The following TPT1 variants were observed in gnomAD, a reference collection of about 807,000 sequenced individuals.
TPT1 encodes tumor protein, translationally-controlled 1.
TPT1 carries 5 observed loss-of-function variants against 22.8 expected under a neutral mutation model. The ratio of observed to expected loss-of-function variants is 0.22; its 90% CI spans 0.11 to 0.46. The LOEUF (loss-of-function observed/expected upper bound fraction) is 0.46, where lower values mean the gene tolerates loss of function less well. TPT1 is among the 20% of genes least tolerant of loss of function. The pLI is 0.99. For synonymous variants in TPT1, 89 were observed against 73.6 expected, an observed-to-expected ratio of 1.21 and a Z score of -1.07; for missense variants, 130 against 218.7, an observed-to-expected ratio of 0.59 and a Z score of 2.56.
chr13:45,339,528 T>C lies in TPT1; in HGVS notation c.368A>G (p.Lys123Arg), dbSNP rs762304747. Residue 123 changes from lysine to arginine, a missense_variant, in exon 4 of 6, where the codon AAG (lysine) becomes AGG (arginine). Transcript: ENST00000530705. ...PFMTGAAEQI[K>R]HILANFKNYQ... Reference sequence around the variant, plus strand: ...GTTTTTGAAATTAGCAAGGATGTGCTTGATTTGTTCTGCAGCCCCTGTCAT... The same window carrying C: ...GTTTTTGAAATTAGCAAGGATGTGCCTGATTTGTTCTGCAGCCCCTGTCAT... 1.2e-6 allele frequency: 2 copies of C among 1,613,798 alleles called. No individual in the cohort carries two copies. Among genetic ancestry groups the C allele is most frequent in the African/African-American group, 2.7e-5 (2 of 74,934 alleles).
At chr13:45,339,680 C>G in intron 3 of TPT1, 78 bp from the exon 4 acceptor site, 1 of 1,376,246 alleles carries the variant, frequency 7.3e-7, no homozygotes, top group Non-Finnish European at 1.0e-6. Flanking sequence ...AATATCCAAG[C>G]TTAAAAAAAG....
intron 4 of TPT1, 64 bp from the exon 5 acceptor site, chr13:45,338,840 A>T (rs1043162695): frequency 3.7e-6 from 5 of 1,355,636 alleles, no homozygotes; most frequent in Non-Finnish European, 5.0e-6. Flanking sequence ...CATTCAAAAC[A>T]AACTACAGTA....
intron 4 of TPT1, chr13:45,339,040 C>G (rs1878903671): frequency 8.1e-6 from 3 of 370,922 alleles, no homozygotes; most frequent in Non-Finnish European, 1.4e-5. Flanking sequence ...TAAATACAAT[C>G]CCAAACCCTA....
chr13:45,339,541 C>A lies in TPT1; in HGVS notation c.355G>T (p.Ala119Ser), dbSNP rs779614359. 1.7e-5 allele frequency: 28 copies of A among 1,613,816 alleles called. No homozygotes were observed. Among genetic ancestry groups the A allele is most frequent in the Non-Finnish European group, 5.1e-6 (6 of 1,179,980 alleles). ...ERVKPFMTGA[A>S]EQIKHILANF... is the part of the protein sequence containing the mutation. ...GCAAGGATGTGCTTGATTTGTTCTG[C>A]AGCCCCTGTCATAAAAGGTTTTACT... The change falls in exon 4 of 6, where the codon GCA becomes TCA. Residue 119 changes from alanine to serine, a missense_variant. Transcript: ENST00000530705.
chr13:45,340,794 T>C lies in TPT1; in HGVS notation c.29-9A>G, dbSNP rs1291883087. On this transcript the variant is annotated splice_polypyrimidine_tract_variant and intron_variant, in intron 1 of 5. Transcript: ENST00000530705. ...GGAGAACATCTCATCGTCTGCCGGA[T>C]ACACAGAGCCGCCCATCACCGTGCG... is the stretch of plus-strand genomic sequence containing the variant. 6.6e-7 allele frequency: 1 copy of C among 1,512,828 alleles called. No homozygotes were observed. 93.7% of individuals were successfully genotyped at this position (1,512,828 alleles called of 1,614,324 possible).
At chr13:45,338,308 T>C (rs1031792581) in intron 5 of TPT1, 10 of 272,678 alleles carry the variant, frequency 3.7e-5, no homozygotes, top group South Asian at 8.0e-5. Context: ...TTAGCAGAGA[T>C]AGGGTTTCGC....
intron 5 of TPT1, 171 bp downstream of exon 5, chr13:45,338,489 C>A (rs189610296): frequency 5.4e-5 from 71 of 1,304,756 alleles, no homozygotes; most frequent in Non-Finnish European, 7.2e-6. Flanking sequence ...CCTTTTTATA[C>A]CCTAAGAATT....
At position 45,336,211 on chromosome 13, in the gene TPT1, T is replaced by C. The variant is rs556327303; in HGVS notation, c.*1175A>G. The C allele has an allele frequency of 2.0e-5, 3 of 152,300 alleles. No individual in the cohort carries two copies. The South Asian group carries it at 6.2e-4, about 32-fold the overall frequency. 9.4% of individuals were successfully genotyped at this position (152,300 alleles called of 1,614,324 possible). On this transcript the variant is annotated 3_prime_UTR_variant, in exon 6 of 6. Transcript: ENST00000530705. Reference sequence around the variant, plus strand: ...AACTAGTGAGACTGAGGTGGGAAAATGGCTTGAGCACAGGATGCAGAGAAT... The same window carrying C: ...AACTAGTGAGACTGAGGTGGGAAAACGGCTTGAGCACAGGATGCAGAGAAT...
At chr13:45,339,667 A>G in intron 3 of TPT1, 65 bp from the exon 4 acceptor site, 1 of 1,435,680 alleles carries the variant, frequency 7.0e-7, no homozygotes, top group Non-Finnish European at 9.6e-7. Flanking sequence ...TTTTAAAGTA[A>G]AAAATATCCA....
intron 4 of TPT1, 125 bp downstream of exon 4, chr13:45,339,372 G>T: frequency 1.4e-6 from 1 of 704,360 alleles, no homozygotes; most frequent in South Asian, 2.8e-5. Context: ...GGAAACACCT[G>T]CGAGCTGGGA....
rs571383137 is a variant in TPT1 at position 45,338,954 on chromosome 13, A to G, written c.400-178T>C. ...GTTCACTGGATTAAGGCACCTTAATAGTGACCTAAATAGAAAAATAACGTA... is the reference window on the plus strand; with the variant it reads ...GTTCACTGGATTAAGGCACCTTAATGGTGACCTAAATAGAAAAATAACGTA... On this transcript the variant is annotated intron_variant, in intron 4 of 5. Coordinates refer to ENST00000530705, the MANE Select transcript of TPT1 (RefSeq NM_003295.4). 5 of 516,758 alleles carry G rather than the reference A, an allele frequency of 9.7e-6. No homozygotes were observed. The East Asian group carries it at 1.6e-4, about 17-fold the overall frequency. The allele number at this position is 516,758 out of a possible 1,614,324, so 32.0% of individuals were successfully genotyped here.
Position 45,339,655 on chromosome 13 carries a change from A to G in TPT1, c.294-53T>C, listed in dbSNP as rs1315566166. The G allele has an allele frequency of 8.7e-6, 13 of 1,491,762 alleles. No individual in the cohort carries two copies. The East Asian group carries it at 2.7e-4, about 31-fold the overall frequency. 92.4% of individuals were successfully genotyped at this position (1,491,762 alleles called of 1,614,324 possible). A position where few individuals can be genotyped will look rare whatever the true frequency, so the allele number is the denominator to read the frequency against. On this transcript the variant is annotated intron_variant, in intron 3 of 5. Transcript: ENST00000530705. ...AAGTATTGAATTTTCAGTAAAATCAATTTTTAAAGTAAAAAATATCCAAGC... is the reference window on the plus strand; with the variant it reads ...AAGTATTGAATTTTCAGTAAAATCAGTTTTTAAAGTAAAAAATATCCAAGC...
At chr13:45,340,285 T>A in intron 2 of TPT1, 101 bp from the exon 3 acceptor site, 1 of 1,416,306 alleles carries the variant, frequency 7.1e-7, no homozygotes, top group South Asian at 1.3e-5. Context: ...TAGTTCTTGC[T>A]GAAAATAAAA....
Position 45,334,694 on chromosome 13 carries a change from T to A in TPT1, c.*2692A>T, listed in dbSNP as rs1878564298. 1.3e-5 allele frequency: 2 copies of A among 152,162 alleles called. No individual in the cohort carries two copies. Among genetic ancestry groups the A allele is most frequent in the Non-Finnish European group, 2.9e-5 (2 of 68,054 alleles). The allele number at this position is 152,162 out of a possible 1,614,324, so 9.4% of individuals were successfully genotyped here. ...AAACACATTATACACAATTATTCTA[T>A]GCTTTTACCCTGCCACCTGGCAGCC... On this transcript the variant is annotated 3_prime_UTR_variant, in exon 6 of 6. Transcript: ENST00000530705.
At chr13:45,341,183 G>GCGGCATGCATTTATTA, upstream of TPT1, 1 of 1,424,592 alleles carries the variant, frequency 7.0e-7, no homozygotes, top group Non-Finnish European at 9.7e-7. Flanking sequence ...GGGCGGAAAA[G>GCGGCATGCATTTATTA]GCCGACTCAG....
chr13:45,334,260 A>C lies in TPT1; in HGVS notation c.*3126T>G, dbSNP rs1878538972. On this transcript the variant is annotated 3_prime_UTR_variant, in exon 6 of 6. Transcript: ENST00000530705. Reference sequence around the variant, plus strand: ...TGTGGTGCCCAGGCTGGCCTCTAACAATCCTACCTCAGCCTTCTGAGTACA... The same window carrying C: ...TGTGGTGCCCAGGCTGGCCTCTAACCATCCTACCTCAGCCTTCTGAGTACA... 1 of 152,126 alleles carries C rather than the reference A, an allele frequency of 6.6e-6. No individual in the cohort carries two copies. The highest frequency in any genetic ancestry group is 1.9e-4 in the East Asian group (1 of 5,196). The allele number at this position is 152,126 out of a possible 1,614,324, so 9.4% of individuals were successfully genotyped here.
chr13:45,340,866 G>A (rs1287308847), intron 1 of TPT1, 81 bp from the exon 2 acceptor site: 1 of 1,457,656 alleles, frequency 6.9e-7, no homozygotes, highest in Non-Finnish European at 9.1e-7. Context: ...GGCCGCACGC[G>A]GGATCTGCCC....
Position 45,336,048 on chromosome 13 carries a change from G to C in TPT1, c.*1338C>G, listed in dbSNP as rs979503584. The C allele has an allele frequency of 6.6e-6, 1 of 152,176 alleles. No individual in the cohort carries two copies. The allele number at this position is 152,176 out of a possible 1,614,324, so 9.4% of individuals were successfully genotyped here. On this transcript the variant is annotated 3_prime_UTR_variant, in exon 6 of 6. Coordinates refer to ENST00000530705, the MANE Select transcript of TPT1 (RefSeq NM_003295.4). Reference sequence around the variant, plus strand: ...TCACGTTTTGAAAATTCCCCTCCCAGGCTAGGCCTGCACTTTGGGAGGCTG... The same window carrying C: ...TCACGTTTTGAAAATTCCCCTCCCACGCTAGGCCTGCACTTTGGGAGGCTG...
At position 45,340,768 on chromosome 13, in the gene TPT1, C is replaced by T; in HGVS notation, c.46G>A (p.Asp16Asn). 5.3e-6 allele frequency: 8 copies of T among 1,516,640 alleles called. No homozygotes were observed. Among genetic ancestry groups the T allele is most frequent in the Non-Finnish European group, 6.2e-6 (7 of 1,133,436 alleles). 93.9% of individuals were successfully genotyped at this position (1,516,640 alleles called of 1,614,324 possible). A position where few individuals can be genotyped will look rare whatever the true frequency, so the allele number is the denominator to read the frequency against. Residue 16 changes from aspartate to asparagine, a missense_variant, in exon 2 of 6, where the codon GAC (aspartate) becomes AAC (asparagine). Transcript: ENST00000530705. ...DLISHDEMFS[D>N]IYKIREIADG... The stretch of plus-strand genomic sequence containing the variant: ...GCGATCTCCCGGATCTTGTAGATGT[C>T]GGAGAACATCTCATCGTCTGCCGGA...
Sources: gnomAD v4.1 joint callset for allele counts on GRCh38, gnomAD v4.1.1 for gene constraint, MANE v1.5 for transcripts, NCBI Gene and HGNC (gene_info 2026-07-23, HGNC 2026-07-21) for gene names.